The following WNK2 variants were observed in gnomAD, a reference collection of about 807,000 sequenced individuals.
WNK2 encodes the protein WNK lysine deficient protein kinase 2.
Under a neutral mutation model 192.1 loss-of-function variants are expected in WNK2, and 67 were observed. That is an observed-to-expected ratio of 0.35 (90% CI 0.29 to 0.43). The LOEUF is 0.43. Among genes scored for constraint, WNK2 ranks in the 20% least tolerant of loss-of-function variants. The probability of loss-of-function intolerance (pLI) is 1.00; values close to 1 mark genes in which losing one functional copy is unlikely to be tolerated. For missense variants in WNK2, 2,698 were observed against 3,089.7 expected, an observed-to-expected ratio of 0.87 and a Z score of 3.01; for synonymous variants, 1,439 against 1,393.9, an observed-to-expected ratio of 1.03 and a Z score of -0.72.
At chr9:93,317,231 G>A in intron 28 of WNK2, 4 of 543,218 alleles carry the variant, frequency 7.4e-6, no homozygotes, top group Non-Finnish European at 1.0e-5. Flanking sequence ...CGCCCTCAGG[G>A]TCCAGGCCCC....
At chr9:93,318,785 A>G in intron 29 of WNK2, 1 of 1,410,310 alleles carries the variant, frequency 7.1e-7, no homozygotes, top group Non-Finnish European at 9.2e-7. Flanking sequence ...TCTCCTGGAG[A>G]TTTCAGTGGG....
Position 93,310,632 on chromosome 9 carries a change from C to T in WNK2, c.6516+2048C>T, listed in dbSNP as rs534526852. Among the ~76,000 whole-genome samples, 3 of 152,328 alleles carry T rather than the reference C, an allele frequency of 2.0e-5. 1 individual carries two copies. The highest frequency in any genetic ancestry group is 6.5e-5 in the Admixed American group (1 of 15,306). The stretch of plus-strand genomic sequence containing the variant: ...TAGTTCCTCAGCCCCCTCTCTGGCA[C>T]CTCTGGTTTCCCAGGCCCTGGTAGC... On this transcript the variant is annotated intron_variant, in intron 28 of 29. Transcript: ENST00000427277.
At chr9:93,252,428 C>A (rs946104488) in intron 8 of WNK2, among the ~76,000 whole-genome samples, 1 of 152,262 alleles carries the variant, frequency 6.6e-6, no homozygotes, top group African/African-American at 2.4e-5. Context: ...GGCCCTTTGC[C>A]ATGGTGTGTT....
chr9:93,187,920 G>A (rs1285043295), intron 2 of WNK2, among the ~76,000 whole-genome samples: 4 of 152,040 alleles, frequency 2.6e-5, no homozygotes, highest in African/African-American at 7.3e-5. Flanking sequence ...TGGGATGTGG[G>A]GTCAGGTCTC....
chr9:93,268,788 T>G (rs776208584), intron 19 of WNK2, 42 bp downstream of exon 19: 1 of 1,594,536 alleles, frequency 6.3e-7, no homozygotes, highest in Non-Finnish European at 8.5e-7. Context: ...CCCTGTTTCA[T>G]GTACAGGCCT....
At chr9:93,235,816 T>A (rs1478038480) in intron 5 of WNK2, among the ~76,000 whole-genome samples, 4 of 152,242 alleles carry the variant, frequency 2.6e-5, no homozygotes, top group African/African-American at 9.6e-5. Context: ...TGCGGGGCCA[T>A]GGCTGCTTCT....
intron 5 of WNK2, among the ~76,000 whole-genome samples, chr9:93,237,738 C>T (rs1840064538): frequency 1.3e-5 from 2 of 152,342 alleles, no homozygotes; most frequent in Admixed American, 1.3e-4. Flanking sequence ...GTGAATTGCC[C>T]TGCCTGCAGC....
chr9:93,235,494 TG>T, intron 5 of WNK2, among the ~76,000 whole-genome samples: 1 of 152,390 alleles, frequency 6.6e-6, no homozygotes, highest in East Asian at 1.9e-4. Context: ...CCTGTTTTGC[TG>T]TCGCTGTGAT....
Position 93,229,150 on chromosome 9 carries a change from GTCC to G in WNK2, c.682-541_682-539del, listed in dbSNP as rs1299045609. On this transcript the variant is annotated intron_variant, in intron 2 of 29. Transcript: ENST00000427277. The surrounding 1 kb of genome is among the most constrained non-coding windows in gnomAD (Gnocchi z 4.9). ...AAGGGTCTGGGGAGGTGTCTGCTGTGTCCTCCTGCACAGGAGGGCCTGGGCTGC... is the reference window on the plus strand; with the variant it reads ...AAGGGTCTGGGGAGGTGTCTGCTGTGTCCTGCACAGGAGGGCCTGGGCTGC... Among the ~76,000 whole-genome samples the G allele has an allele frequency of 6.6e-6, 1 of 152,156 alleles. No individual in the cohort carries two copies. Among genetic ancestry groups the G allele is most frequent in the Non-Finnish European group, 1.5e-5 (1 of 68,020 alleles).
chr9:93,298,969 C>T, intron 24 of WNK2, 101 bp from the exon 25 acceptor site: 1 of 1,307,488 alleles, frequency 7.6e-7, no homozygotes, highest in Non-Finnish European at 1.0e-6. Flanking sequence ...GTGAGCTTCC[C>T]CAAGGTCACC....
chr9:93,253,227 C>A, intron 9 of WNK2, 145 bp downstream of exon 9: 2 of 694,950 alleles, frequency 2.9e-6, no homozygotes, highest in Non-Finnish European at 4.1e-6. Flanking sequence ...AGTGTCCAGC[C>A]ACACTTCCCC....
At chr9:93,287,352 C>T (rs942004301) in intron 19 of WNK2, among the ~76,000 whole-genome samples, 11 of 152,168 alleles carry the variant, frequency 7.2e-5, no homozygotes, top group African/African-American at 2.7e-4. Context: ...TGGCAGGACA[C>T]GGGCCTGCAC....
rs751657139 is a variant in WNK2, at chr9:93,259,060, G to A, written c.2512G>A (p.Val838Met). The change falls in exon 12 of 30, where the codon GTG becomes ATG. Residue 838 changes from valine to methionine, a missense_variant. Val to Met is a conservative substitution (Grantham distance 21). Coordinates refer to ENST00000427277, the MANE Select transcript of WNK2 (RefSeq NM_006648.4). The surrounding 1 kb of genome is among the most constrained non-coding windows in gnomAD (Gnocchi z 4.8). The part of the protein sequence containing the change: ...VPPPQYFSPA[V>M]ILPSLAAPLP... ...ACCACCTCAGTATTTCTCTCCAGCCGTGATCTTGCCGAGCCTCGCTGCCCC... is the reference window on the plus strand; with the variant it reads ...ACCACCTCAGTATTTCTCTCCAGCCATGATCTTGCCGAGCCTCGCTGCCCC... The A allele has an allele frequency of 9.9e-6, 16 of 1,613,012 alleles. No individual in the cohort carries two copies. Among genetic ancestry groups the A allele is most frequent in the Admixed American group, 5.0e-5 (3 of 60,000 alleles).
intron 2 of WNK2, among the ~76,000 whole-genome samples, chr9:93,227,282 T>A (rs1272085646): frequency 1.3e-5 from 2 of 151,504 alleles, no homozygotes; most frequent in Non-Finnish European, 2.9e-5. Context: ...CCCAGCTAAT[T>A]TTTTGTATTT....
intron 9 of WNK2, 108 bp from the exon 10 acceptor site, chr9:93,256,191 C>A: frequency 7.7e-7 from 1 of 1,304,476 alleles, no homozygotes; most frequent in South Asian, 1.9e-5. Context: ...AAGAGGGACC[C>A]TGGTAGGGAC....
chr9:93,247,776 G>A lies in WNK2; in HGVS notation c.1776G>A (p.Pro592=), dbSNP rs1361931274. 9.7e-6 allele frequency: 15 copies of A among 1,549,366 alleles called. No individual in the cohort carries two copies. The highest frequency in any genetic ancestry group is 7.8e-5 in the Admixed American group (4 of 51,326). Residue 592 remains proline (P), a synonymous_variant, in exon 8 of 30, where the codon CCG becomes CCA. Coordinates refer to ENST00000427277, the MANE Select transcript of WNK2 (RefSeq NM_006648.4). This position sits in a 1 kb window ranked among gnomAD's most constrained non-coding sequence, Gnocchi z 5.2. ...GQPGPPEPEE[P]EADQHLLPPT... ...CCGGGCCACCAGAGCCCGAGGAGCC[G>A]GAGGCCGACCAGCACCTCCTGCCAC... is the stretch of plus-strand genomic sequence containing the variant.
intron 2 of WNK2, among the ~76,000 whole-genome samples, chr9:93,215,087 C>T (rs1168387867): frequency 2.0e-5 from 3 of 151,586 alleles, no homozygotes; most frequent in African/African-American, 7.3e-5. Context: ...CACTATGTTG[C>T]CCAAGCTGGT....
At chr9:93,243,972 C>T (rs1326674490) in intron 7 of WNK2, among the ~76,000 whole-genome samples, 1 of 152,240 alleles carries the variant, frequency 6.6e-6, no homozygotes, top group African/African-American at 2.4e-5. Context: ...TCACTCATGC[C>T]TGTCATCCCA....
intron 7 of WNK2, among the ~76,000 whole-genome samples, chr9:93,246,118 G>T (rs1229182356): frequency 6.6e-6 from 1 of 152,194 alleles, no homozygotes; most frequent in Admixed American, 6.5e-5. Flanking sequence ...ATGCATGTCA[G>T]AGTCTGTGGA....
Sources: gnomAD v4.1 joint callset for allele counts (sites outside exome capture counted in the v4.1 genomes callset) on GRCh38, gnomAD v4.1.1 for gene constraint, Gnocchi (gnomAD v3.1) non-coding constraint, MANE v1.5 for transcripts, NCBI Gene and HGNC (gene_info 2026-07-23, HGNC 2026-07-21) for gene names.